Variants in NCKAP5 observed in about 807,000 individuals in gnomAD.
NCKAP5 encodes nck-associated protein 5.
NCKAP5 carries 92 observed loss-of-function variants against 167.0 expected under a neutral mutation model. The observed-to-expected ratio is 0.55, with a 90% CI of 0.47 to 0.66. The LOEUF is 0.66. Ranked by LOEUF, NCKAP5 falls within the 30% of genes least tolerant of loss-of-function variation. NCKAP5 has a pLI of 0.00. For synonymous variants in NCKAP5, 891 were observed against 877.4 expected (o/e 1.02, Z -0.27); for missense variants, 2,378 against 2,315.0 (o/e 1.03, Z -0.56).
chr2:132,746,775 T>A (rs34570051), intron 16 of NCKAP5, among the ~76,000 whole-genome samples: 18,022 of 152,038 alleles, frequency 0.12, 1,666 homozygotes, highest in East Asian at 0.45. Context: ...AAAATACTAA[T>A]GGGCAATAAA....
At chr2:133,021,223 T>C (rs1376629669) in intron 6 of NCKAP5, among the ~76,000 whole-genome samples, 2 of 152,056 alleles carry the variant, frequency 1.3e-5, no homozygotes, top group East Asian at 1.9e-4. Flanking sequence ...GCAGAGATTA[T>C]ATTGGAAAGA....
At chr2:133,257,745 C>A (rs112142849) in intron 4 of NCKAP5, among the ~76,000 whole-genome samples, 1 of 152,108 alleles carries the variant, frequency 6.6e-6, no homozygotes, top group Admixed American at 6.5e-5. Flanking sequence ...TCTTGGAGAC[C>A]AGAGAGACAA....
intron 6 of NCKAP5, among the ~76,000 whole-genome samples, chr2:133,034,175 T>A (rs1189098661): frequency 2.0e-5 from 3 of 152,228 alleles, no homozygotes; most frequent in Non-Finnish European, 4.4e-5. Context: ...GGCAACAGAC[T>A]GTTCAGTGGA....
intron 8 of NCKAP5, among the ~76,000 whole-genome samples, chr2:132,920,878 C>T (rs1335864694): frequency 1.5e-5 from 2 of 132,964 alleles, no homozygotes. Flanking sequence ...GCTCAGAATG[C>T]ACCTCCCTAT....
the NCKAP5 span, among the ~76,000 whole-genome samples, chr2:133,671,381 G>A: frequency 0.062 from 9,408 of 152,182 alleles, 320 homozygotes; most frequent in Non-Finnish European, 0.073. Context: ...TCTTCAAAGT[G>A]GCTGTATTAA....
In NCKAP5 at chr2:133,324,190, G is replaced by A. The variant is rs902465298; in HGVS notation, c.70-21080C>T. On this transcript the variant is annotated intron_variant, in intron 3 of 19. Transcript: ENST00000409261. ...GGCACAAGCCAGAACTGGATGAGGC[G>A]TAAACCAGGCCTGCTGTGCAAACAG... is the stretch of plus-strand genomic sequence containing the variant. Among the ~76,000 whole-genome samples, 8 of 152,310 alleles carry A rather than the reference G, an allele frequency of 5.3e-5. No individual in the cohort carries two copies. The East Asian group carries it at 1.4e-3, about 26-fold the overall frequency.
At chr2:132,767,404 G>A (rs923340117) in intron 16 of NCKAP5, among the ~76,000 whole-genome samples, 8 of 152,028 alleles carry the variant, frequency 5.3e-5, no homozygotes, top group Admixed American at 1.3e-4. Context: ...GCACCACCAC[G>A]CCTGGCTAAT....
At chr2:133,636,444 C>G in the NCKAP5 span, among the ~76,000 whole-genome samples, 1 of 152,170 alleles carries the variant, frequency 6.6e-6, no homozygotes, top group Admixed American at 6.5e-5. Context: ...AAGCAGGCAA[C>G]TCTCAAGAAG....
chr2:133,045,680 A>G (rs1403324249), intron 6 of NCKAP5, among the ~76,000 whole-genome samples: 1 of 152,234 alleles, frequency 6.6e-6, no homozygotes, highest in Non-Finnish European at 1.5e-5. Flanking sequence ...TTTAACTTAC[A>G]AATAAGGCAC....
chr2:132,991,543 C>T (rs1409794116), intron 7 of NCKAP5, among the ~76,000 whole-genome samples: 1 of 152,154 alleles, frequency 6.6e-6, no homozygotes, highest in Non-Finnish European at 1.5e-5. Context: ...TGGGAACACA[C>T]CCCCTGAACA....
intron 14 of NCKAP5, among the ~76,000 whole-genome samples, chr2:132,781,487 A>T (rs926562268): frequency 3.3e-5 from 5 of 152,208 alleles, no homozygotes; most frequent in African/African-American, 1.2e-4. Context: ...AAAACCACTG[A>T]AGAGTGATTA....
chr2:133,197,332 T>C (rs2085481615), intron 5 of NCKAP5, among the ~76,000 whole-genome samples: 1 of 152,154 alleles, frequency 6.6e-6, no homozygotes, highest in South Asian at 2.1e-4. Context: ...TTGTGAACAC[T>C]ATGGAAAGTC....
chr2:132,983,138 G>A, intron 7 of NCKAP5, among the ~76,000 whole-genome samples: 1 of 152,074 alleles, frequency 6.6e-6, no homozygotes. Context: ...AAATGCTACT[G>A]ATTTTTGTAC....
chr2:132,764,975 A>G (rs1487417824), intron 16 of NCKAP5, among the ~76,000 whole-genome samples: 1 of 152,208 alleles, frequency 6.6e-6, no homozygotes, highest in Non-Finnish European at 1.5e-5. Context: ...AATTATCGGG[A>G]CTTTAATTGA....
At chr2:133,042,791 G>A (rs1019500443) in intron 6 of NCKAP5, among the ~76,000 whole-genome samples, 2 of 152,122 alleles carry the variant, frequency 1.3e-5, no homozygotes, top group Admixed American at 6.6e-5. Flanking sequence ...CCACTAAATA[G>A]AGGAGTAAAA....
the NCKAP5 span, among the ~76,000 whole-genome samples, chr2:133,633,198 T>G: frequency 6.6e-6 from 1 of 152,206 alleles, no homozygotes. Flanking sequence ...CTCTGCCTAC[T>G]TTGCAGCCTG....
chr2:133,095,017 C>T (rs78283808), intron 6 of NCKAP5, among the ~76,000 whole-genome samples: 4,325 of 152,202 alleles, frequency 0.028, 188 homozygotes, highest in African/African-American at 0.095. Context: ...CTTCTCAGAA[C>T]CTCCAGATAA....
intron 7 of NCKAP5, among the ~76,000 whole-genome samples, chr2:132,970,448 T>C (rs1486269027): frequency 6.6e-6 from 1 of 152,144 alleles, no homozygotes; most frequent in Admixed American, 6.5e-5. Flanking sequence ...CTGTTTTCAT[T>C]TTTATGGAGT....
At chr2:133,296,589 T>C (rs1679978269) in intron 4 of NCKAP5, among the ~76,000 whole-genome samples, 1 of 152,250 alleles carries the variant, frequency 6.6e-6, no homozygotes, top group Non-Finnish European at 1.5e-5. Context: ...CATTGCATAA[T>C]ATTTAAGTGT....
Sources: gnomAD v4.1 joint callset for allele counts (sites outside exome capture counted in the v4.1 genomes callset) on GRCh38, gnomAD v4.1.1 for gene constraint, MANE v1.5 for transcripts, NCBI Gene and HGNC (gene_info 2026-07-23, HGNC 2026-07-21) for gene names.